The following HACD2 variants were observed in gnomAD, a reference collection of about 807,000 sequenced individuals.
HACD2 encodes the protein very-long-chain (3R)-3-hydroxyacyl-CoA dehydratase 2.
A neutral mutation model predicts 31.0 loss-of-function variants in HACD2; 15 were observed. The ratio of observed to expected loss-of-function variants is 0.48; its 90% CI spans 0.32 to 0.75. The LOEUF is 0.75. Among genes scored for constraint, HACD2 ranks in the 30% least tolerant of loss-of-function variants. HACD2 has a pLI of 0.03. For missense variants in HACD2, 283 were observed against 313.0 expected (o/e 0.90, Z 0.72); for synonymous variants, 115 against 122.2 (o/e 0.94, Z 0.39).
chr3:123,545,342 C>T (rs2056545966), intron 3 of HACD2, among the ~76,000 whole-genome samples: 1 of 150,156 alleles, frequency 6.7e-6, no homozygotes, highest in East Asian at 2.0e-4. Flanking sequence ...ATTAGCTGTG[C>T]GTGGTGGCAC....
intron 4 of HACD2, among the ~76,000 whole-genome samples, chr3:123,515,766 T>G (rs2056127048): frequency 6.6e-6 from 1 of 152,102 alleles, no homozygotes; most frequent in Non-Finnish European, 1.5e-5. Flanking sequence ...GGTTTTTTGT[T>G]TTTTTTTGAG....
intron 3 of HACD2, among the ~76,000 whole-genome samples, chr3:123,539,825 G>T (rs530571380): frequency 4.6e-4 from 64 of 139,216 alleles, no homozygotes; most frequent in Admixed American, 1.5e-3. Context: ...GGTGGCTCAT[G>T]CCTGTAATCC....
chr3:123,496,102 T>C (rs1366610219), intron 6 of HACD2, among the ~76,000 whole-genome samples: 1 of 152,206 alleles, frequency 6.6e-6, no homozygotes, highest in Admixed American at 6.5e-5. Flanking sequence ...TCTTGGCTCA[T>C]GGTCTGGACC....
At chr3:123,531,169 G>A (rs1000290545) in intron 3 of HACD2, among the ~76,000 whole-genome samples, 2 of 152,010 alleles carry the variant, frequency 1.3e-5, no homozygotes, top group Admixed American at 6.6e-5. Flanking sequence ...TTAAACAAAT[G>A]GAACTAGAAG....
chr3:123,559,918 G>T (rs2056710244), intron 3 of HACD2, among the ~76,000 whole-genome samples: 1 of 152,168 alleles, frequency 6.6e-6, no homozygotes, highest in African/African-American at 2.4e-5. Flanking sequence ...GTATACCTGG[G>T]TAAGTCTTCC....
rs1299425709 is a variant in HACD2, at chr3:123,493,425, C to G, written c.*1463G>C. 3 of 152,182 alleles carry G rather than the reference C, an allele frequency of 2.0e-5. No homozygotes were observed. Among genetic ancestry groups the G allele is most frequent in the Non-Finnish European group, 4.4e-5 (3 of 68,038 alleles). The allele number at this position is 152,182 out of a possible 1,614,324, so 9.4% of individuals were successfully genotyped here. A position where few individuals can be genotyped will look rare whatever the true frequency, so the allele number is the denominator to read the frequency against. Reference sequence around the variant, plus strand: ...TTCGCAATTATATTTTAAATGACAACTACTCAATAAGCTAAACTTTTAAAC... The same window carrying G: ...TTCGCAATTATATTTTAAATGACAAGTACTCAATAAGCTAAACTTTTAAAC... On this transcript the variant is annotated 3_prime_UTR_variant, in exon 7 of 7. Transcript: ENST00000383657.
intron 2 of HACD2, among the ~76,000 whole-genome samples, chr3:123,571,542 T>G (rs1435602886): frequency 1.3e-5 from 2 of 152,136 alleles, no homozygotes; most frequent in African/African-American, 2.4e-5. Context: ...GAGAGCAGCC[T>G]CTAGGAATGA....
intron 2 of HACD2, among the ~76,000 whole-genome samples, chr3:123,575,580 G>A (rs2056899663): frequency 6.6e-6 from 1 of 152,134 alleles, no homozygotes; most frequent in South Asian, 2.1e-4. Context: ...TTATATAACA[G>A]TTACTCTTTG....
intron 3 of HACD2, among the ~76,000 whole-genome samples, chr3:123,541,315 C>T (rs1180376180): frequency 6.6e-6 from 1 of 152,140 alleles, no homozygotes; most frequent in Non-Finnish European, 1.5e-5. Context: ...CTTGAAATAA[C>T]ACAAGATCTA....
intron 3 of HACD2, among the ~76,000 whole-genome samples, chr3:123,545,013 G>A (rs1168874961): frequency 2.6e-5 from 3 of 117,010 alleles, no homozygotes; most frequent in Non-Finnish European, 4.9e-5. Flanking sequence ...GGTCGAAGCT[G>A]TAGTAAGAGA....
intron 4 of HACD2, among the ~76,000 whole-genome samples, chr3:123,506,944 A>G (rs1172539075): frequency 6.6e-6 from 1 of 152,176 alleles, no homozygotes; most frequent in East Asian, 1.9e-4. Flanking sequence ...ACATATAAAC[A>G]TATGATTTTA....
At chr3:123,521,066 A>C (rs1318395239) in intron 4 of HACD2, among the ~76,000 whole-genome samples, 2 of 152,188 alleles carry the variant, frequency 1.3e-5, no homozygotes. Context: ...ACTATTGGAA[A>C]GTAGCATCAA....
chr3:123,575,330 T>C (rs1012616805), intron 2 of HACD2, among the ~76,000 whole-genome samples: 1 of 152,206 alleles, frequency 6.6e-6, no homozygotes, highest in African/African-American at 2.4e-5. Flanking sequence ...TTGCCCAAGC[T>C]GGTCTTGAAC....
At chr3:123,494,994 T>C in intron 6 of HACD2, 24 bp from the exon 7 acceptor site, 1 of 1,448,910 alleles carries the variant, frequency 6.9e-7, no homozygotes. Flanking sequence ...AAAAATTGGT[T>C]AAGAGGATGG....
chr3:123,528,529 T>C (rs934345103), intron 3 of HACD2, 55 bp from the exon 4 acceptor site: 14 of 1,050,208 alleles, frequency 1.3e-5, no homozygotes, highest in Admixed American at 1.2e-4. Flanking sequence ...TTTCGATATA[T>C]AATATATTTT....
rs2055810517 is a variant in HACD2 at position 123,494,636 on chromosome 3, A to T, written c.*252T>A. 2 of 500,648 alleles carry T rather than the reference A, an allele frequency of 4.0e-6. No homozygotes were observed. Among genetic ancestry groups the T allele is most frequent in the Admixed American group, 3.8e-5 (1 of 26,414 alleles). The allele number at this position is 500,648 out of a possible 1,614,324, so 31.0% of individuals were successfully genotyped here. On this transcript the variant is annotated 3_prime_UTR_variant, in exon 7 of 7. Transcript: ENST00000383657. Reference sequence around the variant, plus strand: ...AAATGCCAAATCCCTTTCTAGTGCCATCATAAATATTAAGAACTTCTGGTT... The same window carrying T: ...AAATGCCAAATCCCTTTCTAGTGCCTTCATAAATATTAAGAACTTCTGGTT...
In HACD2 at chr3:123,575,354, C is replaced by T. The variant is rs190857356; in HGVS notation, c.273+6858G>A. On this transcript the variant is annotated intron_variant, in intron 2 of 6. Coordinates refer to ENST00000383657, the MANE Select transcript of HACD2 (RefSeq NM_198402.5). ...CTGGTCTTGAACTCCTGGCCTGAAG[C>T]GATCCTCCCACCTTGGCCTTCCAAA... Among the ~76,000 whole-genome samples, 26 of 152,236 alleles carry T rather than the reference C, an allele frequency of 1.7e-4. No homozygotes were observed. The South Asian group carries it at 2.9e-3, about 17-fold the overall frequency.
At chr3:123,511,179 A>G (rs1276358518) in intron 4 of HACD2, among the ~76,000 whole-genome samples, 1 of 152,018 alleles carries the variant, frequency 6.6e-6, no homozygotes, top group East Asian at 1.9e-4. Context: ...AATTATACCT[A>G]ATTGTTACTG....
rs1488737312 is a variant in HACD2, at chr3:123,502,677, T to C, written c.386A>G (p.Gln129Arg). The C allele has an allele frequency of 1.2e-6, 2 of 1,601,082 alleles. No individual in the cohort carries two copies. The highest frequency in any genetic ancestry group is 1.3e-5 in the African/African-American group (1 of 74,808). Residue 129 changes from glutamine (Q) to arginine (R), a missense_variant, in exon 5 of 7, where the codon CAG (glutamine) becomes CGG (arginine). Around this residue, in one of 3 missense-constraint regions of HACD2, gnomAD observed 85 missense variants for 129.6 expected, o/e 0.66. Coordinates refer to ENST00000383657, the MANE Select transcript of HACD2 (RefSeq NM_198402.5). ...WAVTHSVKEV[Q>R]SEDSVLLFVI... Reference sequence around the variant, plus strand: ...AAACAGGAGGACACTGTCTTCACTCTGTACCTGAAGGAAGAGGAAAACAAA... The same window carrying C: ...AAACAGGAGGACACTGTCTTCACTCCGTACCTGAAGGAAGAGGAAAACAAA...
Sources: allele counts gnomAD v4.1 joint callset (sites outside exome capture counted in the v4.1 genomes callset), GRCh38; gene constraint gnomAD v4.1.1; regional missense constraint gnomAD v4.1.1; transcripts MANE v1.5; gene names NCBI Gene and HGNC (gene_info 2026-07-23, HGNC 2026-07-21).